The following LRRIQ1 variants were observed in gnomAD, a reference collection of about 807,000 sequenced individuals.
LRRIQ1 encodes leucine-rich repeat- and IQ domain-containing protein 1.
LRRIQ1 carries 210 observed loss-of-function variants against 211.9 expected under a neutral mutation model. That is an observed-to-expected ratio of 0.99 (90% CI 0.89 to 1.11). The LOEUF (loss-of-function observed/expected upper bound fraction) is 1.11. Among genes scored for constraint, LRRIQ1 ranks in the 50% most tolerant of loss-of-function variants. The pLI, the probability that LRRIQ1 is intolerant of heterozygous loss-of-function variation, is 0.00. For synonymous variants in LRRIQ1, 699 were observed against 650.1 expected, an observed-to-expected ratio of 1.08 and a Z score of -1.14; for missense variants, 2,136 against 1,939.5, an observed-to-expected ratio of 1.10 and a Z score of -1.90.
At chr12:85,183,441 T>C (rs1366772695) in intron 24 of LRRIQ1, among the ~76,000 whole-genome samples, 1 of 152,134 alleles carries the variant, frequency 6.6e-6, no homozygotes, top group East Asian at 1.9e-4. Flanking sequence ...TAAACTGATC[T>C]TATGCCAACT....
At chr12:85,234,551 A>T (rs1895088321) in intron 26 of LRRIQ1, among the ~76,000 whole-genome samples, 1 of 152,150 alleles carries the variant, frequency 6.6e-6, no homozygotes, top group South Asian at 2.1e-4. Context: ...TATCAAAAGG[A>T]TACAGAGCTG....
chr12:85,132,876 A>G (rs1175101482), intron 18 of LRRIQ1, among the ~76,000 whole-genome samples: 2 of 152,156 alleles, frequency 1.3e-5, no homozygotes, highest in African/African-American at 4.8e-5. Flanking sequence ...GGTAGCTTGC[A>G]TGCACTAGTC....
chr12:85,261,607 A>G (rs973299039), intron 1 of LRRIQ1, among the ~76,000 whole-genome samples: 2 of 151,664 alleles, frequency 1.3e-5, no homozygotes, highest in African/African-American at 4.8e-5. Context: ...ATGGAGAATC[A>G]TGTAGTTTCA....
At chr12:85,217,013 G>A (rs1355314387) in intron 24 of LRRIQ1, among the ~76,000 whole-genome samples, 1 of 151,966 alleles carries the variant, frequency 6.6e-6, no homozygotes, top group Admixed American at 6.6e-5. Flanking sequence ...ATGTTGGCAT[G>A]CAAATTGTGA....
chr12:85,126,014 T>C (rs989591392), intron 17 of LRRIQ1, among the ~76,000 whole-genome samples: 1 of 152,204 alleles, frequency 6.6e-6, no homozygotes, highest in African/African-American at 2.4e-5. Flanking sequence ...TATTTGCATG[T>C]GCTCTTATTC....
At chr12:85,080,983 G>A (rs1426577994) in intron 11 of LRRIQ1, among the ~76,000 whole-genome samples, 12 of 151,910 alleles carry the variant, frequency 7.9e-5, no homozygotes. Flanking sequence ...TTTTTACTTA[G>A]GGCAATCTCT....
At chr12:85,188,351 A>G (rs1016030501) in intron 24 of LRRIQ1, among the ~76,000 whole-genome samples, 3 of 152,146 alleles carry the variant, frequency 2.0e-5, no homozygotes, top group Non-Finnish European at 2.9e-5. Flanking sequence ...CAAGATGTAC[A>G]TCTTATTCAG....
rs1461397776 is a variant in LRRIQ1, at chr12:85,153,853, T to A, written c.4637+95T>A. On this transcript the variant is annotated intron_variant, in intron 22 of 26. Transcript: ENST00000393217. The stretch of plus-strand genomic sequence containing the variant: ...TTCAAGATTTTAAGAATACCTATAT[T>A]AGTTTTTTATAAATTGTCCATCCAA... The A allele has an allele frequency of 4.3e-6, 4 of 940,496 alleles. No individual in the cohort carries two copies. In the African/African-American group the frequency reaches 6.9e-5, roughly 16 times the overall value. The allele number at this position is 940,496 out of a possible 1,614,324, so 58.3% of individuals were successfully genotyped here. A position where few individuals can be genotyped will look rare whatever the true frequency, so the allele number is the denominator to read the frequency against.
intron 16 of LRRIQ1, among the ~76,000 whole-genome samples, chr12:85,123,599 AT>A (rs1888142123): frequency 6.6e-6 from 1 of 152,082 alleles, no homozygotes; most frequent in Non-Finnish European, 1.5e-5. Context: ...ATAGATTATT[AT>A]TTTTCCAGAG....
intron 19 of LRRIQ1, among the ~76,000 whole-genome samples, chr12:85,142,036 C>A (rs7972422): frequency 0.28 from 42,917 of 150,814 alleles, 6,244 homozygotes; most frequent in Admixed American, 0.34. Flanking sequence ...TTTCTTTTTT[C>A]AATATTTTGG....
At position 85,066,799 on chromosome 12, in the gene LRRIQ1, G is replaced by A. The variant is rs772952605; in HGVS notation, c.2596G>A (p.Val866Ile). The change falls in exon 10 of 27, where the codon GTT becomes ATT. Residue 866 changes from valine to isoleucine, a missense_variant. Physicochemically the swap from Val to Ile is conservative, Grantham distance 29. Transcript: ENST00000393217. ...ECENLENLCVVLLNKNQLTSL... is the reference protein window; with the variant it reads ...ECENLENLCVILLNKNQLTSL... The stretch of plus-strand genomic sequence containing the variant: ...TGAAAATTTGGAAAATCTCTGTGTT[G>A]TTCTTCTTAATAAAAATCAACTGAC... 1.9e-6 allele frequency: 3 copies of A among 1,600,616 alleles called. No individual in the cohort carries two copies. Among genetic ancestry groups the A allele is most frequent in the Non-Finnish European group, 2.6e-6 (3 of 1,173,348 alleles).
intron 24 of LRRIQ1, among the ~76,000 whole-genome samples, chr12:85,226,954 G>A (rs1894689693): frequency 6.6e-6 from 1 of 152,014 alleles, no homozygotes; most frequent in Non-Finnish European, 1.5e-5. Flanking sequence ...TTGGTTCTAA[G>A]TCTTTGCTAT....
chr12:85,251,004 A>ATAGATTATATATTATAT, intron 1 of LRRIQ1, among the ~76,000 whole-genome samples: 1 of 114,270 alleles, frequency 8.8e-6, no homozygotes, highest in Admixed American at 1.2e-4. Flanking sequence ...ATTATATATA[A>ATAGATTATATATTATAT]TATATATACC....
chr12:85,195,644 C>G (rs1892861991), intron 24 of LRRIQ1, among the ~76,000 whole-genome samples: 1 of 151,200 alleles, frequency 6.6e-6, no homozygotes, highest in Admixed American at 6.6e-5. Flanking sequence ...GCTAAAAACT[C>G]TCAATAAATT....
intron 24 of LRRIQ1, 99 bp from the exon 25 acceptor site, chr12:85,229,418 T>C (rs1894823867): frequency 1.1e-6 from 1 of 928,306 alleles, no homozygotes; most frequent in African/African-American, 1.7e-5. Flanking sequence ...TAGTATTTTT[T>C]TTTCTTTCTT....
intron 26 of LRRIQ1, among the ~76,000 whole-genome samples, chr12:85,234,497 C>G (rs1018730563): frequency 4.6e-5 from 7 of 152,034 alleles, no homozygotes; most frequent in Non-Finnish European, 8.8e-5. Context: ...CCAGATGTCT[C>G]TTTTTTTAAT....
chr12:85,140,950 A>G (rs1348170637), intron 19 of LRRIQ1, among the ~76,000 whole-genome samples: 1 of 151,254 alleles, frequency 6.6e-6, no homozygotes, highest in African/African-American at 2.4e-5. Flanking sequence ...TTTTCTACCT[A>G]TTACTAGCTT....
downstream of LRRIQ1, among the ~76,000 whole-genome samples, chr12:85,264,904 G>A (rs184482446): frequency 5.3e-4 from 80 of 152,060 alleles, 1 homozygote; most frequent in East Asian, 7.9e-3. Context: ...CCATCCCACT[G>A]ATGTAACACT....
In LRRIQ1 at chr12:85,056,358, A is replaced by C; in HGVS notation, c.1565A>C (p.Lys522Thr). 6.3e-7 allele frequency: 1 copy of C among 1,592,996 alleles called. No individual in the cohort carries two copies. The highest frequency in any genetic ancestry group is 1.2e-5 in the South Asian group (1 of 85,014). Residue 522 changes from lysine to threonine, a missense_variant, in exon 8 of 27, where the codon AAA becomes ACA. Physicochemically the swap from Lys to Thr is moderately conservative, Grantham distance 78. Coordinates refer to ENST00000393217, the MANE Select transcript of LRRIQ1 (RefSeq NM_001079910.2). ...LGNSDLKGNLKEQFPLQELKS... is the reference protein window; with the variant it reads ...LGNSDLKGNLTEQFPLQELKS... The stretch of plus-strand genomic sequence containing the variant: ...AACTCTGATCTAAAAGGAAATCTGA[A>C]AGAACAGTTTCCATTGCAAGAATTA...
Sources: gnomAD v4.1 joint callset for allele counts (sites outside exome capture counted in the v4.1 genomes callset) on GRCh38, gnomAD v4.1.1 for gene constraint, MANE v1.5 for transcripts, NCBI Gene and HGNC (gene_info 2026-07-23, HGNC 2026-07-21) for gene names.